MYCBP2: variants seen among roughly 807,000 people sequenced by gnomAD.
The protein encoded by MYCBP2 is E3 ubiquitin-protein ligase MYCBP2.
MYCBP2 carries 120 observed loss-of-function variants against 525.3 expected under a neutral mutation model. The observed-to-expected ratio is 0.23, with a 90% CI of 0.20 to 0.27. The LOEUF (loss-of-function observed/expected upper bound fraction) is 0.27, where lower values mean the gene tolerates loss of function less well. MYCBP2 is among the 10% of genes least tolerant of loss of function. The pLI, the probability that MYCBP2 is intolerant of heterozygous loss-of-function variation, is 1.00. For missense variants in MYCBP2, 4,149 were observed against 5,657.1 expected (o/e 0.73, Z 8.55); for synonymous variants, 1,894 against 1,955.8 (o/e 0.97, Z 0.83).
intron 4 of MYCBP2, among the ~76,000 whole-genome samples, chr13:77,275,870 G>A (rs575617439): frequency 1.2e-4 from 19 of 152,162 alleles, no homozygotes; most frequent in Middle Eastern, 3.2e-3. Flanking sequence ...TGTAGTCCAA[G>A]CTACTCAGGA....
chr13:77,061,988 G>A (rs892462147), intron 74 of MYCBP2, among the ~76,000 whole-genome samples, 198 bp from the exon 75 acceptor site: 1 of 152,188 alleles, frequency 6.6e-6, no homozygotes, highest in Non-Finnish European at 1.5e-5. Flanking sequence ...AATCATTAAT[G>A]TGCTTTGCAG....
At chr13:77,286,741 G>T (rs1290236824) in intron 3 of MYCBP2, among the ~76,000 whole-genome samples, 2 of 68,654 alleles carry the variant, frequency 2.9e-5, no homozygotes, top group East Asian at 9.7e-4. Flanking sequence ...GGGCAACAGA[G>T]CTAGACTCCG....
chr13:77,280,925 A>G (rs1053677206), intron 3 of MYCBP2, among the ~76,000 whole-genome samples: 1 of 152,220 alleles, frequency 6.6e-6, no homozygotes, highest in African/African-American at 2.4e-5. Flanking sequence ...TCAGAATAGT[A>G]ATATATATTC....
rs1164460719 is a variant in MYCBP2, at chr13:77,140,876, G to A, written c.7371C>T (p.Val2457=). Residue 2457 remains valine (V), a synonymous_variant, in exon 50 of 83, where the codon GTC becomes GTT. Coordinates refer to ENST00000544440, the MANE Select transcript of MYCBP2 (RefSeq NM_015057.5). ...TAGGCTGAGGTTCAGACTTTGGTTTGACCAACTGAGTTCCTGGTGGTATCA... is the reference window on the plus strand; with the variant it reads ...TAGGCTGAGGTTCAGACTTTGGTTTAACCAACTGAGTTCCTGGTGGTATCA... The part of the protein sequence containing the change: ...KGMIPPGTQL[V]KPKSEPQPNK... The A allele has an allele frequency of 6.2e-7, 1 of 1,612,634 alleles. No homozygotes were observed. The highest frequency in any genetic ancestry group is 1.3e-5 in the African/African-American group (1 of 74,792).
At chr13:77,233,085 A>C in intron 18 of MYCBP2, 71 bp downstream of exon 18, 2 of 1,336,542 alleles carry the variant, frequency 1.5e-6, no homozygotes, top group Non-Finnish European at 2.1e-6. Flanking sequence ...GCATTTTCCC[A>C]GAGACAAAAT....
intron 34 of MYCBP2, 60 bp from the exon 35 acceptor site, chr13:77,178,014 A>T: frequency 9.8e-7 from 1 of 1,020,252 alleles, no homozygotes; most frequent in Non-Finnish European, 1.6e-6. Flanking sequence ...AACCATCCAA[A>T]GGTTTCTAAG....
rs556637134 is a variant in MYCBP2 at position 77,209,317 on chromosome 13, T to C, written c.3416+1850A>G. Among the ~76,000 whole-genome samples, 13 of 152,372 alleles carry C rather than the reference T, an allele frequency of 8.5e-5. No homozygotes were observed. In the South Asian group the frequency reaches 1.2e-3, roughly 15 times the overall value. On this transcript the variant is annotated intron_variant, in intron 23 of 82. Transcript: ENST00000544440. ...AAGTTTTTACTGTTACGCTTAGTTATACTGTTATTGCTAACTTAGTGAATG... is the reference window on the plus strand; with the variant it reads ...AAGTTTTTACTGTTACGCTTAGTTACACTGTTATTGCTAACTTAGTGAATG...
chr13:77,086,509 C>T (rs1366394230), intron 62 of MYCBP2, among the ~76,000 whole-genome samples: 1 of 152,072 alleles, frequency 6.6e-6, no homozygotes, highest in African/African-American at 2.4e-5. Context: ...GGGAAATTCT[C>T]AAGTATTAAC....
At position 77,326,404 on chromosome 13, in the gene MYCBP2, G is replaced by A. The variant is rs2082315663; in HGVS notation, c.302+70C>T. 3 of 1,417,958 alleles carry A rather than the reference G, an allele frequency of 2.1e-6. No individual in the cohort carries two copies. The highest frequency in any genetic ancestry group is 1.9e-6 in the Non-Finnish European group (2 of 1,067,624). The allele number at this position is 1,417,958 out of a possible 1,614,324, so 87.8% of individuals were successfully genotyped here. ...ACACACGCAAGCACACACACACGCG[G>A]GTGCACGCGCGGCATGGGGCGCAAG... On this transcript the variant is annotated intron_variant, in intron 1 of 82. Transcript: ENST00000544440. This position sits in a 1 kb window ranked among gnomAD's most constrained non-coding sequence, Gnocchi z 4.2.
At chr13:77,254,087 T>C (rs2071715120) in intron 14 of MYCBP2, among the ~76,000 whole-genome samples, 1 of 151,878 alleles carries the variant, frequency 6.6e-6, no homozygotes, top group Non-Finnish European at 1.5e-5. Flanking sequence ...TGTACCAACA[T>C]GGACATATTT....
chr13:77,185,366 C>A lies in MYCBP2; in HGVS notation c.4456G>T (p.Ala1486Ser). 1 of 1,610,276 alleles carries A rather than the reference C, an allele frequency of 6.2e-7. No individual in the cohort carries two copies. The highest frequency in any genetic ancestry group is 1.1e-5 in the South Asian group (1 of 90,672). ...AATTTGCTAGTTTCTTCTACAACTG[C>A]TTTTCCTGTAGCTTTGAGGGGGAAA... The part of the protein sequence containing the change: ...EIYPVSATGK[A>S]VVEETSKLAE... The change falls in exon 32 of 83, where the codon GCA (alanine) becomes TCA (serine). Residue 1486 changes from alanine to serine, a missense_variant. Ala to Ser is a moderately conservative substitution (Grantham distance 99). This residue lies in a region of MYCBP2 where 292 missense variants were observed against 330.5 expected (regional missense o/e 0.88). Transcript: ENST00000544440.
intron 30 of MYCBP2, among the ~76,000 whole-genome samples, 171 bp from the exon 31 acceptor site, chr13:77,186,234 T>C (rs535983701): frequency 5.3e-5 from 8 of 152,328 alleles, no homozygotes; most frequent in Admixed American, 2.6e-4. Context: ...AGTTCATTTA[T>C]TAAATTACCC....
intron 1 of MYCBP2, among the ~76,000 whole-genome samples, chr13:77,312,886 C>T (rs1213545332): frequency 6.6e-6 from 1 of 151,822 alleles, no homozygotes; most frequent in Non-Finnish European, 1.5e-5. Context: ...AATATAAAAA[C>T]ATAAACATCC....
intron 4 of MYCBP2, among the ~76,000 whole-genome samples, chr13:77,276,015 C>A (rs2075526512): frequency 6.6e-6 from 1 of 152,134 alleles, no homozygotes; most frequent in Non-Finnish European, 1.5e-5. Context: ...AGAACTCCTT[C>A]TACTTTCCTC....
At chr13:77,206,601 C>G in intron 24 of MYCBP2, 52 bp downstream of exon 24, 1 of 1,433,178 alleles carries the variant, frequency 7.0e-7, no homozygotes, top group Non-Finnish European at 9.2e-7. Context: ...AAAAAAAACC[C>G]TGGACAGCAC....
chr13:77,049,307 G>A (rs1206145045), intron 82 of MYCBP2, among the ~76,000 whole-genome samples: 4 of 151,892 alleles, frequency 2.6e-5, no homozygotes, highest in Non-Finnish European at 4.4e-5. Flanking sequence ...AAAAAAAACA[G>A]TATTTGAGGA....
chr13:77,048,652 T>C (rs985879845), intron 82 of MYCBP2, among the ~76,000 whole-genome samples: 6 of 152,110 alleles, frequency 3.9e-5, no homozygotes, highest in Admixed American at 3.3e-4. Flanking sequence ...AATTTTCCAT[T>C]TGATAACATA....
At chr13:77,220,727 T>C (rs967130175) in intron 20 of MYCBP2, among the ~76,000 whole-genome samples, 1 of 152,204 alleles carries the variant, frequency 6.6e-6, no homozygotes, top group Non-Finnish European at 1.5e-5. Flanking sequence ...TGTTCCTCTA[T>C]AGACATAATC....
chr13:77,269,385 C>T (rs2074554879), intron 7 of MYCBP2, among the ~76,000 whole-genome samples: 1 of 152,146 alleles, frequency 6.6e-6, no homozygotes, highest in Non-Finnish European at 1.5e-5. Flanking sequence ...CCTGTAATCC[C>T]AGCACTCTGG....
Sources: allele counts gnomAD v4.1 joint callset (sites outside exome capture counted in the v4.1 genomes callset), GRCh38; gene constraint gnomAD v4.1.1; regional missense constraint gnomAD v4.1.1; non-coding constraint Gnocchi (gnomAD v3.1); transcripts MANE v1.5; gene names NCBI Gene and HGNC (gene_info 2026-07-23, HGNC 2026-07-21).